Variants in L3MBTL2 observed in about 807,000 individuals in gnomAD.
L3MBTL2 encodes the protein L3MBTL histone methyl-lysine binding protein 2.
Under a neutral mutation model 86.4 loss-of-function variants are expected in L3MBTL2, and 49 were observed. That is an observed-to-expected ratio of 0.57 (90% CI 0.45 to 0.72). The LOEUF is 0.72. Ranked by LOEUF, L3MBTL2 falls within the 30% of genes least tolerant of loss-of-function variation. The pLI, the probability that L3MBTL2 is intolerant of heterozygous loss-of-function variation, is 0.00. For synonymous variants in L3MBTL2, 336 were observed against 350.6 expected (o/e 0.96, Z 0.47); for missense variants, 755 against 923.7 (o/e 0.82, Z 2.37).
chr22:41,209,947 G>A lies in L3MBTL2; in HGVS notation c.262+14G>A, dbSNP rs773675618. Reference sequence around the variant, plus strand: ...GTTCTGAGCCAGGTGCCTTCAGAGTGTCCCCTGAGGATGGAGAGGAGATAG... The same window carrying A: ...GTTCTGAGCCAGGTGCCTTCAGAGTATCCCCTGAGGATGGAGAGGAGATAG... On this transcript the variant is annotated intron_variant, in intron 2 of 16. Coordinates refer to ENST00000216237, the MANE Select transcript of L3MBTL2 (RefSeq NM_031488.5). 6.2e-7 allele frequency: 1 copy of A among 1,611,920 alleles called. No individual in the cohort carries two copies. The highest frequency in any genetic ancestry group is 8.5e-7 in the Non-Finnish European group (1 of 1,178,486).
chr22:41,206,974 A>C (rs917598988), intron 1 of L3MBTL2, among the ~76,000 whole-genome samples: 4 of 152,150 alleles, frequency 2.6e-5, no homozygotes, highest in Non-Finnish European at 5.9e-5. Context: ...AAATAGAACT[A>C]GGTTTTACAT....
chr22:41,210,115 G>A (rs2030605566), intron 2 of L3MBTL2, 182 bp downstream of exon 2: 2 of 356,156 alleles, frequency 5.6e-6, no homozygotes, highest in Non-Finnish European at 9.8e-6. Context: ...TAGCCACTGT[G>A]TTAACTTCCT....
At position 41,227,637 on chromosome 22, in the gene L3MBTL2, TCTCCGGCCCCTC is replaced by T. The variant is rs1419073258; in HGVS notation, c.1823-162_1823-151del. 3.2e-6 allele frequency: 5 copies of T among 1,549,080 alleles called. No individual in the cohort carries two copies. The highest frequency in any genetic ancestry group is 2.0e-5 in the Admixed American group (1 of 50,946). On this transcript the variant is annotated intron_variant, in intron 14 of 16. Coordinates refer to ENST00000216237, the MANE Select transcript of L3MBTL2 (RefSeq NM_031488.5). The surrounding 1 kb of genome is among the most constrained non-coding windows in gnomAD (Gnocchi z 6.0). ...AAGGGTGGGAAGAAGGGACAGCTGT[TCTCCGGCCCCTC>T]CTCCAGCCCCGCCCTCTCCTCATTG... is the stretch of plus-strand genomic sequence containing the variant.
chr22:41,225,054 G>A lies in L3MBTL2; in HGVS notation c.1339G>A (p.Val447Met), dbSNP rs141817855. ...CCCCCTGAATCTGGGCAACATCTGCGTGGCAACTGTCTGTAAGGTGAGCCA... is the reference window on the plus strand; with the variant it reads ...CCCCCTGAATCTGGGCAACATCTGCATGGCAACTGTCTGTAAGGTGAGCCA... ...IDPLNLGNIC[V>M]ATVCKVLLDG... The change falls in exon 11 of 17, where the codon GTG becomes ATG. Residue 447 changes from valine (V) to methionine (M), a missense_variant. Val to Met is a conservative substitution (Grantham distance 21, BLOSUM62 1). This residue lies in a region of L3MBTL2 where 634 missense variants were observed against 748.9 expected (regional missense o/e 0.85). Transcript: ENST00000216237. This position sits in a 1 kb window ranked among gnomAD's most constrained non-coding sequence, Gnocchi z 4.1. 1.2e-5 allele frequency: 19 copies of A among 1,613,720 alleles called. No individual in the cohort carries two copies. The East Asian group carries it at 1.6e-4, about 13-fold the overall frequency.
chr22:41,224,328 C>A lies in L3MBTL2; in HGVS notation c.1174+77C>A. On this transcript the variant is annotated intron_variant, in intron 9 of 16. Transcript: ENST00000216237. The surrounding 1 kb of genome is among the most constrained non-coding windows in gnomAD (Gnocchi z 4.9). Reference sequence around the variant, plus strand: ...GGAGTGGGAGCACCTTCCTACTCGTCACAGCAGGTCAGCAGGTGGAGGTTG... The same window carrying A: ...GGAGTGGGAGCACCTTCCTACTCGTAACAGCAGGTCAGCAGGTGGAGGTTG... 1 of 1,165,858 alleles carries A rather than the reference C, an allele frequency of 8.6e-7. No individual in the cohort carries two copies. The highest frequency in any genetic ancestry group is 1.2e-6 in the Non-Finnish European group (1 of 809,410). The allele number at this position is 1,165,858 out of a possible 1,614,324, so 72.2% of individuals were successfully genotyped here. A position where few individuals can be genotyped will look rare whatever the true frequency, so the allele number is the denominator to read the frequency against.
intron 1 of L3MBTL2, 73 bp from the exon 2 acceptor site, chr22:41,209,623 T>C: frequency 7.5e-7 from 1 of 1,328,830 alleles, no homozygotes; most frequent in Non-Finnish European, 1.1e-6. Context: ...TGATAGCAGA[T>C]CTGCAGCTTC....
chr22:41,228,805 G>GCTC, intron 15 of L3MBTL2, among the ~76,000 whole-genome samples: 1 of 150,220 alleles, frequency 6.7e-6, no homozygotes, highest in South Asian at 2.1e-4. Context: ...AGCCCAGATC[G>GCTC]CTCCACTTCA....
chr22:41,219,800 G>A (rs1296853280), intron 6 of L3MBTL2, among the ~76,000 whole-genome samples: 1 of 152,162 alleles, frequency 6.6e-6, no homozygotes, highest in African/African-American at 2.4e-5. Flanking sequence ...GGAGTACGGT[G>A]GCACGATCTC....
Position 41,224,978 on chromosome 22 carries a change from C to T in L3MBTL2, c.1263C>T (p.Val421=), listed in dbSNP as rs199789994. Residue 421 remains valine, a synonymous_variant, in exon 11 of 17, where the codon GTC becomes GTT. Transcript: ENST00000216237. The surrounding 1 kb of genome is among the most constrained non-coding windows in gnomAD (Gnocchi z 4.9). ...CCCATTCCTTTAAGGTACGAGCAGT[C>T]TACACAGAAGGCGGTTGGTTTGAGG... is the stretch of plus-strand genomic sequence containing the variant. The part of the protein sequence containing the change: ...VPYLFKKVRA[V]YTEGGWFEEG... 3.9e-5 allele frequency: 63 copies of T among 1,613,796 alleles called. No homozygotes were observed. Among genetic ancestry groups the T allele is most frequent in the Admixed American group, 1.7e-4 (10 of 59,972 alleles).
intron 16 of L3MBTL2, 42 bp downstream of exon 16, chr22:41,229,698 C>T (rs1462559791): frequency 6.2e-7 from 1 of 1,612,562 alleles, no homozygotes; most frequent in Non-Finnish European, 8.5e-7. Flanking sequence ...CCAGCCTGCT[C>T]CGTGCTCAGA....
intron 2 of L3MBTL2, among the ~76,000 whole-genome samples, chr22:41,210,559 G>A (rs958381365): frequency 3.9e-5 from 6 of 152,204 alleles, no homozygotes; most frequent in Admixed American, 2.6e-4. Flanking sequence ...TCGATCTCCT[G>A]ACCTCGTGAT....
intron 15 of L3MBTL2, chr22:41,228,078 A>G: frequency 1.0e-6 from 1 of 985,320 alleles, no homozygotes; most frequent in Non-Finnish European, 1.2e-6. Flanking sequence ...CAGACCATAA[A>G]TAGGGAGTGT....
rs1450874031 is a variant in L3MBTL2, at chr22:41,214,985, T to C, written c.396+959T>C. The stretch of plus-strand genomic sequence containing the variant: ...GAGATCGTGCCACTGCACTCCAGCC[T>C]GGGGGGAAAATATTATGTAAAATAT... On this transcript the variant is annotated intron_variant, in intron 3 of 16. Coordinates refer to ENST00000216237, the MANE Select transcript of L3MBTL2 (RefSeq NM_031488.5). Among the ~76,000 whole-genome samples the C allele has an allele frequency of 2.4e-5, 3 of 123,490 alleles. No homozygotes were observed. In the East Asian group the frequency reaches 6.1e-4, roughly 25 times the overall value. 81.0% of individuals were successfully genotyped at this position (123,490 alleles called of 152,430 possible). A position where few individuals can be genotyped will look rare whatever the true frequency, so the allele number is the denominator to read the frequency against.
At position 41,207,176 on chromosome 22, in the gene L3MBTL2, A is replaced by C. The variant is rs117517772; in HGVS notation, c.24+1790A>C. ...TGGCAACCTTTATTGAGCACTTACT[A>C]TATGCAAGTCACTATTCTGAGAGCT... On this transcript the variant is annotated intron_variant, in intron 1 of 16. Coordinates refer to ENST00000216237, the MANE Select transcript of L3MBTL2 (RefSeq NM_031488.5). Among the ~76,000 whole-genome samples the C allele has an allele frequency of 5.6e-3, 847 of 150,698 alleles. 6 individuals are homozygous for C. Among genetic ancestry groups the C allele is most frequent in the Non-Finnish European group, 8.4e-3 (568 of 67,852 alleles).
At chr22:41,221,154 G>A (rs1601522279) in intron 7 of L3MBTL2, 45 bp from the exon 8 acceptor site, 1 of 1,413,422 alleles carries the variant, frequency 7.1e-7, no homozygotes, top group Non-Finnish European at 9.3e-7. Context: ...TGTCAGTGGA[G>A]GTTTGTCAGT....
Position 41,227,999 on chromosome 22 carries a change from C to T in L3MBTL2, c.1888+130C>T, listed in dbSNP as rs922965877. 33 of 1,441,970 alleles carry T rather than the reference C, an allele frequency of 2.3e-5. No homozygotes were observed. Among genetic ancestry groups the T allele is most frequent in the African/African-American group, 4.3e-5 (3 of 69,462 alleles). The allele number at this position is 1,441,970 out of a possible 1,614,324, so 89.3% of individuals were successfully genotyped here. On this transcript the variant is annotated intron_variant, in intron 15 of 16. Transcript: ENST00000216237. The surrounding 1 kb of genome is among the most constrained non-coding windows in gnomAD (Gnocchi z 6.0). ...GCTGTCCTACTGACGTAGCTCTCTT[C>T]GTGTTCCTGTCCTGTCTCTTTCCCC... is the stretch of plus-strand genomic sequence containing the variant.
chr22:41,226,487 C>G (rs893676173), intron 12 of L3MBTL2, among the ~76,000 whole-genome samples, 175 bp from the exon 13 acceptor site: 1 of 152,184 alleles, frequency 6.6e-6, no homozygotes, highest in Non-Finnish European at 1.5e-5. Flanking sequence ...ACCTATACAA[C>G]AGGACTGTGG....
At chr22:41,210,662 C>T (rs903012608) in intron 2 of L3MBTL2, among the ~76,000 whole-genome samples, 3 of 152,126 alleles carry the variant, frequency 2.0e-5, no homozygotes, top group Non-Finnish European at 4.4e-5. Flanking sequence ...CGGGGTTTCA[C>T]CATGTCGGCC....
rs571319359 is a variant in L3MBTL2, at chr22:41,209,627, C to T, written c.25-69C>T. 1.0e-4 allele frequency: 142 copies of T among 1,381,732 alleles called. No individual in the cohort carries two copies. The East Asian group carries it at 2.0e-3, about 19-fold the overall frequency. 85.6% of individuals were successfully genotyped at this position (1,381,732 alleles called of 1,614,324 possible). On this transcript the variant is annotated intron_variant, in intron 1 of 16. Coordinates refer to ENST00000216237, the MANE Select transcript of L3MBTL2 (RefSeq NM_031488.5). ...TGTGAGGGGGCTGATAGCAGATCTG[C>T]AGCTTCTCCCCCCGTGCACTAAAGC...
Sources: allele counts gnomAD v4.1 joint callset (sites outside exome capture counted in the v4.1 genomes callset), GRCh38; gene constraint gnomAD v4.1.1; regional missense constraint gnomAD v4.1.1; non-coding constraint Gnocchi (gnomAD v3.1); transcripts MANE v1.5; gene names NCBI Gene and HGNC (gene_info 2026-07-23, HGNC 2026-07-21).